The following FRMD4A variants were observed in gnomAD, a reference collection of about 807,000 sequenced individuals.
FRMD4A encodes FERM domain containing 4A, also known as FERM domain-containing protein 4A.
FRMD4A carries 29 observed loss-of-function variants against 129.1 expected under a neutral mutation model. The observed-to-expected ratio is 0.22, with a 90% CI of 0.17 to 0.31. The LOEUF (loss-of-function observed/expected upper bound fraction) is 0.31. FRMD4A is among the 10% of genes least tolerant of loss of function. The pLI is 1.00. For synonymous variants in FRMD4A, 634 were observed against 571.6 expected (o/e 1.11, Z -1.56); for missense variants, 1,272 against 1,375.8 (o/e 0.92, Z 1.19).
intron 2 of FRMD4A, among the ~76,000 whole-genome samples, chr10:14,164,099 C>T (rs78178073): frequency 0.023 from 3,547 of 152,254 alleles, 66 homozygotes; most frequent in Non-Finnish European, 0.036. Context: ...TTTGTTGGCA[C>T]GTGATGGAAA....
chr10:13,650,347 TCTGGGAAGG>T (rs2081457506), intron 24 of FRMD4A, among the ~76,000 whole-genome samples: 1 of 152,150 alleles, frequency 6.6e-6, no homozygotes, highest in African/African-American at 2.4e-5. Context: ...TCTTACCTGG[TCTGGGAAGG>T]TGCTGTTGCT....
intron 2 of FRMD4A, among the ~76,000 whole-genome samples, chr10:14,043,611 C>T (rs1319719684): frequency 2.0e-5 from 3 of 152,212 alleles, no homozygotes; most frequent in Non-Finnish European, 4.4e-5. Flanking sequence ...TGGATGATTT[C>T]TCACTCCCCA....
intron 6 of FRMD4A, among the ~76,000 whole-genome samples, chr10:13,770,675 C>T (rs10906469): frequency 0.25 from 37,749 of 152,020 alleles, 4,792 homozygotes; most frequent in Middle Eastern, 0.37. Context: ...AACTCCTGGG[C>T]TCAAGTAATC....
At chr10:13,922,887 G>T (rs537151433) in intron 2 of FRMD4A, among the ~76,000 whole-genome samples, 4 of 152,062 alleles carry the variant, frequency 2.6e-5, no homozygotes, top group African/African-American at 4.8e-5. Context: ...GTAATTGTCT[G>T]CAATAAATAG....
intron 2 of FRMD4A, among the ~76,000 whole-genome samples, chr10:14,187,059 C>T (rs1842167897): frequency 6.7e-6 from 1 of 148,752 alleles, no homozygotes; most frequent in Non-Finnish European, 1.5e-5. Flanking sequence ...TTTGGGGAAG[C>T]AGTGAGTTGT....
chr10:14,287,414 T>G (rs1845716669), intron 2 of FRMD4A, among the ~76,000 whole-genome samples: 1 of 152,210 alleles, frequency 6.6e-6, no homozygotes, highest in Non-Finnish European at 1.5e-5. Flanking sequence ...ACAGAATGCA[T>G]TTTTTAAAAA....
At chr10:14,237,223 A>T (rs1843856227) in intron 2 of FRMD4A, among the ~76,000 whole-genome samples, 1 of 152,112 alleles carries the variant, frequency 6.6e-6, no homozygotes, top group Admixed American at 6.6e-5. Flanking sequence ...AAGACTCTAG[A>T]ATATGGGATA....
intron 2 of FRMD4A, among the ~76,000 whole-genome samples, chr10:14,014,341 C>A (rs1044805466): frequency 1.3e-5 from 2 of 152,260 alleles, no homozygotes; most frequent in South Asian, 2.1e-4. Flanking sequence ...ATATCACACG[C>A]CCCCCATTAA....
intron 2 of FRMD4A, among the ~76,000 whole-genome samples, chr10:14,307,671 T>TG (rs1365622729): frequency 2.0e-5 from 3 of 152,160 alleles, no homozygotes; most frequent in African/African-American, 7.2e-5. Context: ...CCAACTCCAT[T>TG]GGGGGGCTTT....
At chr10:14,161,078 C>A (rs1021506458) in intron 2 of FRMD4A, among the ~76,000 whole-genome samples, 1 of 152,196 alleles carries the variant, frequency 6.6e-6, no homozygotes, top group East Asian at 1.9e-4. Flanking sequence ...CCTCAGCCCC[C>A]CGAGTCGCTG....
intron 2 of FRMD4A, among the ~76,000 whole-genome samples, chr10:14,145,280 A>G (rs1194164421): frequency 6.6e-6 from 1 of 152,182 alleles, no homozygotes; most frequent in Non-Finnish European, 1.5e-5. Flanking sequence ...AGAGTCACTT[A>G]ATTAACCTCC....
At chr10:13,687,119 C>T (rs957123962) in intron 15 of FRMD4A, among the ~76,000 whole-genome samples, 7 of 152,210 alleles carry the variant, frequency 4.6e-5, no homozygotes, top group African/African-American at 1.7e-4. Flanking sequence ...CATGAAACCC[C>T]ATCTCTACTA....
At chr10:14,019,625 T>C (rs2131644086) in intron 2 of FRMD4A, among the ~76,000 whole-genome samples, 1 of 152,326 alleles carries the variant, frequency 6.6e-6, no homozygotes, top group East Asian at 1.9e-4. Context: ...ATGTTATGAA[T>C]ATTGCCATGT....
chr10:13,799,109 T>C (rs1223367036), intron 4 of FRMD4A, among the ~76,000 whole-genome samples: 1 of 152,226 alleles, frequency 6.6e-6, no homozygotes, highest in Non-Finnish European at 1.5e-5. Flanking sequence ...CACTTCCCAG[T>C]CTACAGAACT....
At chr10:14,104,654 C>G (rs528435712) in intron 2 of FRMD4A, among the ~76,000 whole-genome samples, 13 of 152,246 alleles carry the variant, frequency 8.5e-5, no homozygotes. Context: ...GAGAATTTCC[C>G]CAGCCACTCT....
intron 2 of FRMD4A, among the ~76,000 whole-genome samples, chr10:14,262,480 T>C (rs1347727829): frequency 6.6e-6 from 1 of 152,206 alleles, no homozygotes; most frequent in Non-Finnish European, 1.5e-5. Flanking sequence ...GAGGCTTATC[T>C]AGAAGGCACT....
intron 2 of FRMD4A, among the ~76,000 whole-genome samples, chr10:14,163,673 T>C (rs1437916217): frequency 6.6e-6 from 1 of 152,244 alleles, no homozygotes; most frequent in Non-Finnish European, 1.5e-5. Flanking sequence ...ACGGCCAGGT[T>C]ACCTTTCCCT....
Position 14,158,615 on chromosome 10 carries a change from C to G in FRMD4A, c.45+171443G>C, listed in dbSNP as rs1453955315. Among the ~76,000 whole-genome samples, 17 of 145,296 alleles carry G rather than the reference C, an allele frequency of 1.2e-4. No individual in the cohort carries two copies. The East Asian group carries it at 3.4e-3, about 29-fold the overall frequency. On this transcript the variant is annotated intron_variant, in intron 2 of 24. Transcript: ENST00000357447. ...TAACAGACAGAGTGAGACCCCATCT[C>G]AAAAATAAATAAAAAAAAAGAAAGA...
rs537986522 is a variant in FRMD4A, at chr10:13,660,114, A to G, written c.1898+202T>C. ...ACGTTGATTGTGGGCCAAAGCCCCA[A>G]TTTCTCTGAGTCACAAAAATGTACC... On this transcript the variant is annotated intron_variant, in intron 20 of 24. Transcript: ENST00000357447. Among the ~76,000 whole-genome samples the G allele has an allele frequency of 6.6e-5, 10 of 152,322 alleles. No individual in the cohort carries two copies. The South Asian group carries it at 1.0e-3, about 16-fold the overall frequency.
Sources: allele counts gnomAD v4.1 joint callset (sites outside exome capture counted in the v4.1 genomes callset), GRCh38; gene constraint gnomAD v4.1.1; transcripts MANE v1.5; gene names NCBI Gene and HGNC (gene_info 2026-07-23, HGNC 2026-07-21).